The following NHERF2 variants were observed in gnomAD, a reference collection of about 807,000 sequenced individuals.
The protein encoded by NHERF2 is Na(+)/H(+) exchange regulatory cofactor NHE-RF2.
chr16:2,038,663 G>A, the NHERF2 span: 1 of 263,834 alleles, frequency 3.8e-6, no homozygotes. Context: ...GGGTCCCTAG[G>A]CCACACCCTG....
At chr16:2,033,345 C>T in the NHERF2 span, 10 of 1,533,176 alleles carry the variant, frequency 6.5e-6, no homozygotes, top group South Asian at 4.8e-5. Context: ...GTCACTGTGC[C>T]GCTGTCATGG....
the NHERF2 span, chr16:2,033,406 C>T: frequency 4.6e-6 from 7 of 1,533,458 alleles, no homozygotes; most frequent in Non-Finnish European, 5.2e-6. Flanking sequence ...AGCCCCTCCA[C>T]GGAGCCCACC....
chr16:2,029,849 C>T, the NHERF2 span: 13 of 1,383,720 alleles, frequency 9.4e-6, no homozygotes, highest in African/African-American at 8.6e-5. Flanking sequence ...CTTTTGACGA[C>T]GATCTTTGCC....
the NHERF2 span, chr16:2,035,805 A>G: frequency 2.0e-6 from 1 of 504,820 alleles, no homozygotes; most frequent in Non-Finnish European, 2.6e-6. Flanking sequence ...TGCTGGGCCC[A>G]CGGGGGTGGG....
chr16:2,038,792 C>G, the NHERF2 span: 1 of 160,546 alleles, frequency 6.2e-6, no homozygotes. Flanking sequence ...GCCCCTCATT[C>G]CGCGCGGCAG....
chr16:2,028,628 C>T, the NHERF2 span, among the ~76,000 whole-genome samples: 1 of 151,674 alleles, frequency 6.6e-6, no homozygotes, highest in South Asian at 2.1e-4. Flanking sequence ...TCTTGTCTCA[C>T]TCTGGGTCAT....
chr16:2,028,098 G>A, the NHERF2 span, among the ~76,000 whole-genome samples: 2 of 152,282 alleles, frequency 1.3e-5, no homozygotes, highest in South Asian at 2.1e-4. Context: ...GGGGTCCAGC[G>A]TCCACACACC....
the NHERF2 span, chr16:2,038,147 AG>A: frequency 1.2e-6 from 1 of 824,730 alleles, no homozygotes; most frequent in Non-Finnish European, 1.9e-6. Flanking sequence ...CCTGCCCACC[AG>A]GTACTGGGGG....
the NHERF2 span, chr16:2,032,777 G>T: frequency 1.0e-6 from 1 of 991,966 alleles, no homozygotes; most frequent in Non-Finnish European, 1.2e-6. This position sits in a 1 kb window ranked among gnomAD's most constrained non-coding sequence, Gnocchi z 4.0. Context: ...TAGTAGTGAC[G>T]ACAGGGGACA....
the NHERF2 span, among the ~76,000 whole-genome samples, chr16:2,029,959 C>G: frequency 6.6e-6 from 1 of 152,232 alleles, no homozygotes; most frequent in Non-Finnish European, 1.5e-5. Context: ...TGTTTCTACC[C>G]TCAGCCTGTG....
chr16:2,033,416 C>T, the NHERF2 span: 1 of 1,533,466 alleles, frequency 6.5e-7, no homozygotes, highest in Non-Finnish European at 8.7e-7. Context: ...CGGAGCCCAC[C>T]CCAGAGGCTG....
chr16:2,033,579 G>C, the NHERF2 span: 1 of 872,970 alleles, frequency 1.1e-6, no homozygotes, highest in Non-Finnish European at 1.7e-6. Context: ...GGGCTGGTGC[G>C]TCACCATCTG....
At chr16:2,036,943 C>G in the NHERF2 span, 11 of 1,565,186 alleles carry the variant, frequency 7.0e-6, no homozygotes, top group African/African-American at 1.5e-4. Flanking sequence ...CACTGACACG[C>G]TGTCCCCACA....
At chr16:2,031,501 C>CGG in the NHERF2 span, among the ~76,000 whole-genome samples, 1 of 152,186 alleles carries the variant, frequency 6.6e-6, no homozygotes, top group Non-Finnish European at 1.5e-5. Flanking sequence ...CTGGAGGGTG[C>CGG]AGTGGCCCAG....
the NHERF2 span, chr16:2,036,370 T>C: frequency 2.5e-6 from 4 of 1,610,688 alleles, no homozygotes; most frequent in Non-Finnish European, 3.4e-6. Flanking sequence ...CTCTGCCACC[T>C]GCGAAAGGGA....
the NHERF2 span, chr16:2,035,583 G>A: frequency 2.2e-5 from 22 of 987,106 alleles, no homozygotes; most frequent in South Asian, 1.9e-4. Context: ...ACGGGCAGCC[G>A]CTGGCCACCG....
the NHERF2 span, chr16:2,027,096 C>T: frequency 2.7e-6 from 4 of 1,463,460 alleles, no homozygotes; most frequent in African/African-American, 1.5e-5. Context: ...CGAGAAGGGC[C>T]GCCGCGGGCA....
chr16:2,031,681 CA>C, the NHERF2 span, among the ~76,000 whole-genome samples: 1 of 152,146 alleles, frequency 6.6e-6, no homozygotes, highest in Non-Finnish European at 1.5e-5. Context: ...TCCAGGAGGT[CA>C]GGGGGCACCC....
At chr16:2,027,132 T>C in the NHERF2 span, 1 of 1,471,752 alleles carries the variant, frequency 6.8e-7, no homozygotes, top group Admixed American at 2.3e-5. Context: ...GGAACCCGGT[T>C]CCCCCGCCGA....
Sources: gnomAD v4.1 joint callset for allele counts (sites outside exome capture counted in the v4.1 genomes callset) on GRCh38, gnomAD v4.1.1 for gene constraint, Gnocchi (gnomAD v3.1) non-coding constraint, MANE v1.5 for transcripts, NCBI Gene and HGNC (gene_info 2026-07-23, HGNC 2026-07-21) for gene names.